CTIF: variants seen among roughly 807,000 people sequenced by gnomAD.
CTIF encodes CBP80/20-dependent translation initiation factor.
CTIF carries 21 observed loss-of-function variants against 66.0 expected under a neutral mutation model. That is an observed-to-expected ratio of 0.32 (90% CI 0.23 to 0.46). The LOEUF (loss-of-function observed/expected upper bound fraction) is 0.46, where lower values mean the gene tolerates loss of function less well. Ranked by LOEUF, CTIF falls within the 20% of genes least tolerant of loss-of-function variation. The probability of loss-of-function intolerance (pLI) is 1.00; values close to 1 mark genes in which losing one functional copy is unlikely to be tolerated. For synonymous variants in CTIF, 345 were observed against 326.4 expected (o/e 1.06, Z -0.62); for missense variants, 739 against 812.7 (o/e 0.91, Z 1.10).
chr18:48,835,064 A>G (rs140083710), intron 10 of CTIF, among the ~76,000 whole-genome samples: 1,558 of 152,362 alleles, frequency 0.01, 10 homozygotes, highest in Middle Eastern at 0.014. Flanking sequence ...TTCAAATCCC[A>G]TGTTCGTGGT....
chr18:48,740,260 C>T (rs2092542316), intron 7 of CTIF, among the ~76,000 whole-genome samples: 1 of 152,216 alleles, frequency 6.6e-6, no homozygotes, highest in South Asian at 2.1e-4. Context: ...AGCCCTGCCC[C>T]TGAAGCCCAG....
intron 1 of CTIF, among the ~76,000 whole-genome samples, chr18:48,554,415 C>T (rs924965419): frequency 2.0e-5 from 3 of 152,240 alleles, no homozygotes; most frequent in East Asian, 1.9e-4. Context: ...CTGTACCCAG[C>T]GGCCCTTGTC....
At chr18:48,613,865 C>T (rs1375610071) in intron 1 of CTIF, among the ~76,000 whole-genome samples, 2 of 152,206 alleles carry the variant, frequency 1.3e-5, no homozygotes, top group Non-Finnish European at 2.9e-5. Context: ...ACCGGCCCTC[C>T]CCTCCAGCTG....
chr18:48,609,990 A>T (rs531845546), intron 1 of CTIF, among the ~76,000 whole-genome samples: 10 of 151,326 alleles, frequency 6.6e-5, no homozygotes, highest in African/African-American at 1.7e-4. Context: ...GCCCGGGCCC[A>T]TTGGCAGTGG....
chr18:48,747,744 C>A lies in CTIF; in HGVS notation c.585-10175C>A, dbSNP rs1419320346. On this transcript the variant is annotated intron_variant, in intron 7 of 11. Transcript: ENST00000256413. ...CAACATAGCAAAACTCCTGTCTCTA[C>A]AAAAATTAAAAAAAAAAAAAAAAAT... Among the ~76,000 whole-genome samples, 17 of 125,318 alleles carry A rather than the reference C, an allele frequency of 1.4e-4. No homozygotes were observed. The South Asian group carries it at 2.1e-3, about 16-fold the overall frequency. The allele number at this position is 125,318 out of a possible 152,430, so 82.2% of individuals were successfully genotyped here. A position where few individuals can be genotyped will look rare whatever the true frequency, so the allele number is the denominator to read the frequency against.
Position 48,761,190 on chromosome 18 carries a change from G to C in CTIF, c.1072-200G>C. Reference sequence around the variant, plus strand: ...ACAGTATCAGCCCTGGATGTCATAGGGGCCAAGAAAAAAGGCAACAAGGAG... The same window carrying C: ...ACAGTATCAGCCCTGGATGTCATAGCGGCCAAGAAAAAAGGCAACAAGGAG... On this transcript the variant is annotated intron_variant, in intron 8 of 11. Coordinates refer to ENST00000256413, the MANE Select transcript of CTIF (RefSeq NM_014772.3). The surrounding 1 kb of genome is among the most constrained non-coding windows in gnomAD (Gnocchi z 4.2). The C allele has an allele frequency of 1.7e-6, 1 of 576,186 alleles. No individual in the cohort carries two copies. Among genetic ancestry groups the C allele is most frequent in the Non-Finnish European group, 3.1e-6 (1 of 326,336 alleles). 35.7% of individuals were successfully genotyped at this position (576,186 alleles called of 1,614,324 possible).
chr18:48,608,760 A>T (rs1401097094), intron 1 of CTIF, among the ~76,000 whole-genome samples: 1 of 152,194 alleles, frequency 6.6e-6, no homozygotes, highest in African/African-American at 2.4e-5. Context: ...CACTCCCACC[A>T]GGCTCTGGAA....
chr18:48,589,698 C>T (rs2089848249), intron 1 of CTIF, among the ~76,000 whole-genome samples: 1 of 152,178 alleles, frequency 6.6e-6, no homozygotes, highest in Non-Finnish European at 1.5e-5. Context: ...TGAAAGTTCT[C>T]AGCATTGTAT....
intron 10 of CTIF, among the ~76,000 whole-genome samples, chr18:48,856,218 G>A (rs2146666857): frequency 6.6e-6 from 1 of 152,320 alleles, no homozygotes; most frequent in South Asian, 2.1e-4. Flanking sequence ...CAGTGCTGCT[G>A]GGGCTTCAAG....
At chr18:48,628,472 C>T (rs1421562552) in intron 2 of CTIF, among the ~76,000 whole-genome samples, 1 of 152,144 alleles carries the variant, frequency 6.6e-6, no homozygotes, top group East Asian at 1.9e-4. Flanking sequence ...GTTATTATTA[C>T]CATCTTACAA....
chr18:48,587,282 A>C (rs894287850), intron 1 of CTIF, among the ~76,000 whole-genome samples: 1 of 151,888 alleles, frequency 6.6e-6, no homozygotes, highest in African/African-American at 2.4e-5. Context: ...GGGTTTCACT[A>C]TGTTGGCCAG....
rs368104923 is a variant in CTIF, at chr18:48,578,156, AT to A, written c.-29+38854del. Among the ~76,000 whole-genome samples, 24 of 149,076 alleles carry A rather than the reference AT, an allele frequency of 1.6e-4. No individual in the cohort carries two copies. The Middle Eastern group carries it at 0.014, about 86-fold the overall frequency. On this transcript the variant is annotated intron_variant, in intron 1 of 11. Coordinates refer to ENST00000256413, the MANE Select transcript of CTIF (RefSeq NM_014772.3). ...ATGTTGTGGCATATCTCAGCTCTTC[AT>A]TTTTTTTTTATCACTGAGTAATGTT...
chr18:48,730,680 G>A (rs1304517278), intron 7 of CTIF, among the ~76,000 whole-genome samples: 1 of 146,808 alleles, frequency 6.8e-6, no homozygotes, highest in Admixed American at 6.7e-5. Flanking sequence ...GGCTTCTGCG[G>A]TGTGAGGAGC....
chr18:48,840,664 T>G (rs1299884362), intron 10 of CTIF, among the ~76,000 whole-genome samples: 1 of 152,216 alleles, frequency 6.6e-6, no homozygotes, highest in Non-Finnish European at 1.5e-5. Context: ...GCTGCTCCTC[T>G]GAGCACAATG....
At chr18:48,623,702 T>C (rs1340909373) in intron 2 of CTIF, among the ~76,000 whole-genome samples, 1 of 151,674 alleles carries the variant, frequency 6.6e-6, no homozygotes, top group Non-Finnish European at 1.5e-5. Flanking sequence ...CCTGAGGGAG[T>C]GGAGAGGAAT....
At chr18:48,768,055 C>T (rs1909744378) in intron 9 of CTIF, among the ~76,000 whole-genome samples, 2 of 152,122 alleles carry the variant, frequency 1.3e-5, no homozygotes, top group Non-Finnish European at 2.9e-5. Flanking sequence ...TGCCCTTCTC[C>T]TTGTCCCATG....
chr18:48,759,652 GGGTGT>G (rs1908762450), intron 8 of CTIF, among the ~76,000 whole-genome samples: 1 of 152,204 alleles, frequency 6.6e-6, no homozygotes, highest in East Asian at 1.9e-4. Context: ...TCTGTAAAAT[GGGTGT>G]TAATACTACA....
In CTIF at chr18:48,716,592, C is replaced by T. The variant is rs1249439556; in HGVS notation, c.584+4897C>T. 2.6e-4 allele frequency among the ~76,000 whole-genome samples: 39 copies of T among 152,130 alleles called. 2 individuals carry two copies. Among genetic ancestry groups the T allele is most frequent in the Admixed American group, 2.6e-3 (39 of 15,284 alleles). ...TCGTCCCCACATGGCTCCCTAGAAA[C>T]AGAGCCATGTGGGTGGTGCTCACAG... On this transcript the variant is annotated intron_variant, in intron 7 of 11. Transcript: ENST00000256413.
intron 6 of CTIF, among the ~76,000 whole-genome samples, chr18:48,687,078 G>T (rs969774360): frequency 1.3e-5 from 2 of 152,042 alleles, no homozygotes; most frequent in African/African-American, 4.8e-5. Flanking sequence ...CAGGAAGAAG[G>T]TCGGAAGACT....
Sources: gnomAD v4.1 joint callset for allele counts (sites outside exome capture counted in the v4.1 genomes callset) on GRCh38, gnomAD v4.1.1 for gene constraint, Gnocchi (gnomAD v3.1) non-coding constraint, MANE v1.5 for transcripts, NCBI Gene and HGNC (gene_info 2026-07-23, HGNC 2026-07-21) for gene names.